Variants in NFYB observed in about 807,000 individuals in gnomAD.
NFYB encodes CAAT box DNA-binding protein subunit B.
NFYB carries 13 observed loss-of-function variants against 28.0 expected under a neutral mutation model. The ratio of observed to expected loss-of-function variants is 0.46; its 90% confidence interval spans 0.30 to 0.74. The LOEUF (loss-of-function observed/expected upper bound fraction) is 0.74. Ranked by LOEUF, NFYB falls within the 30% of genes least tolerant of loss-of-function variation. The pLI is 0.07. For missense variants in NFYB, 142 were observed against 247.6 expected (o/e 0.57, Z 2.86); for synonymous variants, 74 against 75.0 (o/e 0.99, Z 0.07).
intron 1 of NFYB, chr12:104,137,465 C>T (rs1036877357): frequency 3.3e-5 from 5 of 152,204 alleles, no homozygotes; most frequent in African/African-American, 9.7e-5. Context: ...GCCATGCCTT[C>T]CTCCCCACGC....
chr12:104,120,900 A>G (rs1387555417), intron 6 of NFYB, among the ~76,000 whole-genome samples: 2 of 152,162 alleles, frequency 1.3e-5, no homozygotes, highest in African/African-American at 4.8e-5. Context: ...TGACAACATG[A>G]TACTCAATTT....
At chr12:104,126,517 C>T (rs1345226760) in intron 3 of NFYB, among the ~76,000 whole-genome samples, 4 of 152,190 alleles carry the variant, frequency 2.6e-5, no homozygotes, top group Non-Finnish European at 5.9e-5. Context: ...CAAATAACAT[C>T]TCCATACCAC....
At chr12:104,127,286 A>G (rs1761443773) in intron 3 of NFYB, among the ~76,000 whole-genome samples, 1 of 152,126 alleles carries the variant, frequency 6.6e-6, no homozygotes, top group African/African-American at 2.4e-5. Context: ...AATTTTACAA[A>G]TCAGGCCAGG....
At chr12:104,123,200 AG>A in intron 5 of NFYB, 25 bp downstream of exon 5, 1 of 1,548,348 alleles carries the variant, frequency 6.5e-7, no homozygotes, top group South Asian at 1.2e-5. Context: ...GAAAAAAAAA[AG>A]CACAATGGGA....
At chr12:104,123,190 G>GA (rs141275623) in intron 5 of NFYB, 36 bp downstream of exon 5, 140,432 of 1,310,786 alleles carry the variant, frequency 0.11, 3,402 homozygotes, top group Admixed American at 0.19. Flanking sequence ...AAAAAAAGAA[G>GA]AAAAAAAAAA....
intron 6 of NFYB, 26 bp downstream of exon 6, chr12:104,121,214 A>G (rs776839214): frequency 6.4e-7 from 1 of 1,563,950 alleles, no homozygotes; most frequent in South Asian, 1.1e-5. Flanking sequence ...AACAATCTAC[A>G]TGACTTGTAT....
intron 3 of NFYB, among the ~76,000 whole-genome samples, chr12:104,127,938 C>G (rs1383532722): frequency 6.6e-6 from 1 of 151,986 alleles, no homozygotes; most frequent in African/African-American, 2.4e-5. Flanking sequence ...GCCCACCTTG[C>G]CCTCCCAAAC....
At position 104,117,389 on chromosome 12, in the gene NFYB, T is replaced by C. The variant is rs984630091; in HGVS notation, c.*2348A>G. ...TGAAGTTTGGAAATTTGTTGTAGTA[T>C]ATACTAATTTAAAATTTACTCAAAT... On this transcript the variant is annotated 3_prime_UTR_variant, in exon 8 of 8. Transcript: ENST00000240055. 1 of 152,216 alleles carries C rather than the reference T, an allele frequency of 6.6e-6. No homozygotes were observed. 9.4% of individuals were successfully genotyped at this position (152,216 alleles called of 1,614,324 possible).
intron 2 of NFYB, among the ~76,000 whole-genome samples, chr12:104,134,848 G>A (rs371062811): frequency 2.3e-4 from 35 of 152,260 alleles, no homozygotes; most frequent in East Asian, 9.7e-4. Flanking sequence ...TAACACACCC[G>A]AGGTTACAGA....
intron 1 of NFYB, among the ~76,000 whole-genome samples, chr12:104,135,816 C>T (rs2031078700): frequency 6.6e-6 from 1 of 152,106 alleles, no homozygotes; most frequent in African/African-American, 2.4e-5. Context: ...CCATATTCAT[C>T]ATAAACATTC....
intron 3 of NFYB, among the ~76,000 whole-genome samples, chr12:104,127,273 A>T (rs1055948831): frequency 6.6e-6 from 1 of 152,208 alleles, no homozygotes; most frequent in Admixed American, 6.5e-5. Flanking sequence ...CTCAATTTTT[A>T]AAAATTTTAC....
intron 2 of NFYB, 78 bp from the exon 3 acceptor site, chr12:104,128,595 A>C: frequency 1.2e-6 from 1 of 858,442 alleles, no homozygotes; most frequent in Non-Finnish European, 1.9e-6. Flanking sequence ...ATAAACTGTC[A>C]CAGGATGATG....
chr12:104,136,438 G>C (rs1293327886), intron 1 of NFYB, among the ~76,000 whole-genome samples: 1 of 152,032 alleles, frequency 6.6e-6, no homozygotes, highest in African/African-American at 2.4e-5. Context: ...CCACTAAAAA[G>C]GTCCAGGTAG....
chr12:104,137,125 T>A (rs2031130334), intron 1 of NFYB, among the ~76,000 whole-genome samples: 2 of 152,102 alleles, frequency 1.3e-5, no homozygotes, highest in African/African-American at 4.8e-5. Flanking sequence ...ACCACCCCAG[T>A]GATTTGTAGC....
intron 6 of NFYB, among the ~76,000 whole-genome samples, chr12:104,120,732 T>C (rs1422776008): frequency 6.6e-6 from 1 of 152,224 alleles, no homozygotes; most frequent in Non-Finnish European, 1.5e-5. Flanking sequence ...TGTACAAATC[T>C]GTAGACAGAC....
chr12:104,126,306 A>C, intron 3 of NFYB, 62 bp from the exon 4 acceptor site: 1 of 1,274,852 alleles, frequency 7.8e-7, no homozygotes, highest in Non-Finnish European at 1.0e-6. Flanking sequence ...AGATAGAAAA[A>C]ACTACCAAAG....
At chr12:104,133,301 G>C (rs951410304) in intron 2 of NFYB, among the ~76,000 whole-genome samples, 3 of 152,184 alleles carry the variant, frequency 2.0e-5, no homozygotes, top group African/African-American at 7.2e-5. Flanking sequence ...CAGCATTCCT[G>C]CCTGGTAGTT....
In NFYB at chr12:104,119,438, C is replaced by T. The variant is rs2030381751; in HGVS notation, c.*299G>A. The T allele has an allele frequency of 4.6e-6, 1 of 216,014 alleles. No homozygotes were observed. The highest frequency in any genetic ancestry group is 5.7e-5 in the Admixed American group (1 of 17,464). 13.4% of individuals were successfully genotyped at this position (216,014 alleles called of 1,614,324 possible). ...TGAAAATAAGAAACTGTCTACAAAT[C>T]TCTGACAGTAATAAATTGCAATATA... is the stretch of plus-strand genomic sequence containing the variant. On this transcript the variant is annotated 3_prime_UTR_variant, in exon 8 of 8. Transcript: ENST00000240055.
In NFYB at chr12:104,119,621, A is replaced by G. The variant is rs1046705737; in HGVS notation, c.*116T>C. The G allele has an allele frequency of 4.7e-6, 3 of 633,568 alleles. No homozygotes were observed. The highest frequency in any genetic ancestry group is 8.2e-6 in the Non-Finnish European group (3 of 365,606). 39.2% of individuals were successfully genotyped at this position (633,568 alleles called of 1,614,324 possible). ...TAGTCAAGCATCAGGAAGCTACATT[A>G]CAGCTATTAATATACAAAGATACAT... On this transcript the variant is annotated 3_prime_UTR_variant, in exon 8 of 8. Coordinates refer to ENST00000240055, the MANE Select transcript of NFYB (RefSeq NM_006166.4).
Sources: gnomAD v4.1 joint callset for allele counts (sites outside exome capture counted in the v4.1 genomes callset) on GRCh38, gnomAD v4.1.1 for gene constraint, MANE v1.5 for transcripts, NCBI Gene and HGNC (gene_info 2026-07-23, HGNC 2026-07-21) for gene names.